DCHS1: variants seen among roughly 807,000 people sequenced by gnomAD.
The protein encoded by DCHS1 is protocadherin-16.
In DCHS1, 78 loss-of-function variants were observed where a neutral mutation model predicts 213.9. The ratio of observed to expected loss-of-function variants is 0.36; its 90% CI spans 0.30 to 0.44. DCHS1 has a LOEUF of 0.44. Ranked by LOEUF, DCHS1 falls within the 20% of genes least tolerant of loss-of-function variation. The probability of loss-of-function intolerance (pLI) is 1.00; values close to 1 mark genes in which losing one functional copy is unlikely to be tolerated. For synonymous variants in DCHS1, 1,828 were observed against 1,873.7 expected (o/e 0.98, Z 0.63); for missense variants, 3,946 against 4,395.9 (o/e 0.90, Z 2.89).
At position 6,633,844 on chromosome 11, in the gene DCHS1, G is replaced by A; in HGVS notation, c.2163C>T (p.Ser721=). 1 of 1,613,976 alleles carries A rather than the reference G, an allele frequency of 6.2e-7. No individual in the cohort carries two copies. Among genetic ancestry groups the A allele is most frequent in the Non-Finnish European group, 8.5e-7 (1 of 1,179,882 alleles). The change falls in exon 4 of 21, where the codon TCC becomes TCT. Residue 721 remains serine (S), a synonymous_variant. Coordinates refer to ENST00000299441, the MANE Select transcript of DCHS1 (RefSeq NM_003737.4). The part of the protein sequence containing the change: ...DPDQGSHGRL[S]YHILAGNSPP... The stretch of plus-strand genomic sequence containing the variant: ...GGCTGTTGCCAGCCAGGATATGGTA[G>A]GAGAGTCGCCCATGGGATCCCTGGT...
rs1362789501 is a variant in DCHS1 at position 6,626,420 on chromosome 11, T to G, written c.6365-40A>C. ...ATGCATCAGTGATAGCCCCCTTTGC[T>G]TGCCCTGGAGCCTCCTTCTCTAAGA... On this transcript the variant is annotated intron_variant, in intron 15 of 20. Transcript: ENST00000299441. This position sits in a 1 kb window ranked among gnomAD's most constrained non-coding sequence, Gnocchi z 5.2. 6.2e-7 allele frequency: 1 copy of G among 1,607,670 alleles called. No individual in the cohort carries two copies. The highest frequency in any genetic ancestry group is 8.5e-7 in the Non-Finnish European group (1 of 1,176,218).
At chr11:6,653,914 G>T (rs1335422828) in intron 1 of DCHS1, among the ~76,000 whole-genome samples, 1 of 152,180 alleles carries the variant, frequency 6.6e-6, no homozygotes, top group Non-Finnish European at 1.5e-5. Context: ...GATATAGGAG[G>T]TTGTGGGTAG....
chr11:6,647,571 G>A (rs891223244), intron 1 of DCHS1, among the ~76,000 whole-genome samples: 16 of 152,306 alleles, frequency 1.1e-4, no homozygotes, highest in Non-Finnish European at 1.8e-4. Flanking sequence ...TTTATGGTGC[G>A]CTGGGCCCTG....
At position 6,640,837 on chromosome 11, in the gene DCHS1, G is replaced by T. The variant is rs1440224620; in HGVS notation, c.777C>A (p.Arg259=). 6.2e-7 allele frequency: 1 copy of T among 1,613,956 alleles called. No homozygotes were observed. The highest frequency in any genetic ancestry group is 1.1e-5 in the South Asian group (1 of 91,090). ...GGCTCTCAGACACCACAGCATGGTA[G>T]CGGCTCTGATTGAAAGCCGGGGCAT... The part of the protein sequence containing the change: ...NDHAPAFNQS[R]YHAVVSESLA... Residue 259 remains arginine, a synonymous_variant, in exon 2 of 21, where the codon CGC becomes CGA. Transcript: ENST00000299441. This position sits in a 1 kb window ranked among gnomAD's most constrained non-coding sequence, Gnocchi z 6.5.
chr11:6,653,887 C>T (rs1365575292), intron 1 of DCHS1, among the ~76,000 whole-genome samples: 1 of 152,100 alleles, frequency 6.6e-6, no homozygotes, highest in Non-Finnish European at 1.5e-5. Context: ...GGAGCGAGAA[C>T]ATCTGAAAGC....
At chr11:6,651,996 T>C (rs73397287) in intron 1 of DCHS1, among the ~76,000 whole-genome samples, 1 of 151,934 alleles carries the variant, frequency 6.6e-6, no homozygotes, top group Admixed American at 6.5e-5. Context: ...GAAAAATGAA[T>C]GAAATTGATT....
In DCHS1 at chr11:6,633,815, G is replaced by C. The variant is rs528648883; in HGVS notation, c.2192C>G (p.Pro731Arg). ...TGATTGCTCATCCAAGGTAAAAAGT[G>C]GGGGGCTGTTGCCAGCCAGGATATG... ...SYHILAGNSPPLFTLDEQSGL... is the reference protein window; with the variant it reads ...SYHILAGNSPRLFTLDEQSGL... The change falls in exon 4 of 21, where the codon CCA (proline) becomes CGA (arginine). Residue 731 changes from proline to arginine, a missense_variant. Physicochemically the swap from Pro to Arg is moderately radical, Grantham distance 103. Transcript: ENST00000299441. The C allele has an allele frequency of 5.0e-6, 8 of 1,613,714 alleles. No individual in the cohort carries two copies. The South Asian group carries it at 6.6e-5, about 13-fold the overall frequency.
Position 6,621,794 on chromosome 11 carries a change from C to A in DCHS1, c.9882G>T (p.Thr3294=), listed in dbSNP as rs763186035. The A allele has an allele frequency of 6.3e-7, 1 of 1,590,180 alleles. No homozygotes were observed. The highest frequency in any genetic ancestry group is 1.1e-5 in the South Asian group (1 of 87,362). The change falls in exon 21 of 21, where the codon ACG becomes ACT. Residue 3294 remains threonine (T), a synonymous_variant. Coordinates refer to ENST00000299441, the MANE Select transcript of DCHS1 (RefSeq NM_003737.4). The part of the protein sequence containing the change: ...AESGLEPPDD[T]ELHI The stretch of plus-strand genomic sequence containing the variant: ...TGGGCCACAGCTAGATGTGCAGCTC[C>A]GTGTCATCAGGTGGCTCCAGGCCAG...
At position 6,626,179 on chromosome 11, in the gene DCHS1, G is replaced by A. The variant is rs1317707782; in HGVS notation, c.6566C>T (p.Pro2189Leu). Residue 2189 changes from proline to leucine, a missense_variant, in exon 16 of 21, where the codon CCC (proline) becomes CTC (leucine). Around this residue, in one of 3 missense-constraint regions of DCHS1, gnomAD observed 3,384 missense variants for 3,780.1 expected, o/e 0.90. Transcript: ENST00000299441. The surrounding 1 kb of genome is among the most constrained non-coding windows in gnomAD (Gnocchi z 5.2). ...CATCACACCCCGCACCTGCAGCAGG[G>A]GCCCCTCCAAGGGCCGGGACTCAGG... ...FLPESRPLEG[P>L]LLQVEADDLD... 1 of 1,606,774 alleles carries A rather than the reference G, an allele frequency of 6.2e-7. No individual in the cohort carries two copies. The highest frequency in any genetic ancestry group is 8.5e-7 in the Non-Finnish European group (1 of 1,176,688).
chr11:6,629,407 T>C (rs1167281826), intron 12 of DCHS1, 45 bp downstream of exon 12: 1 of 1,605,328 alleles, frequency 6.2e-7, no homozygotes, highest in Non-Finnish European at 8.5e-7. Context: ...AACACTGGTG[T>C]TTACAACACC....
At chr11:6,637,053 G>A (rs899895241) in intron 2 of DCHS1, among the ~76,000 whole-genome samples, 2 of 152,114 alleles carry the variant, frequency 1.3e-5, no homozygotes, top group African/African-American at 4.8e-5. Flanking sequence ...AATCAACCAG[G>A]GATTAAGTAA....
chr11:6,635,457 C>T (rs1855973456), intron 2 of DCHS1, among the ~76,000 whole-genome samples: 1 of 152,174 alleles, frequency 6.6e-6, no homozygotes, highest in Admixed American at 6.5e-5. Context: ...ATATAAGGAC[C>T]TCAGGGTCAG....
Position 6,623,052 on chromosome 11 carries a change from C to G in DCHS1, c.8624G>C (p.Arg2875Pro), listed in dbSNP as rs772552501. The G allele has an allele frequency of 9.5e-6, 15 of 1,578,212 alleles. No homozygotes were observed. The highest frequency in any genetic ancestry group is 1.3e-5 in the Non-Finnish European group (15 of 1,162,376). ...TGALYLRVDS[R>P]APGSGTATSG... ...GGTGGCTGTTCCGCTGCCTGGTGCC[C>G]GACTGTCCACCCGCAGGTACAGGGC... The change falls in exon 21 of 21, where the codon CGG becomes CCG. Residue 2875 changes from arginine to proline, a missense_variant. By Grantham distance (103) the Arg-to-Pro change is moderately radical (BLOSUM62 -2). This residue lies in a region of DCHS1 where 554 missense variants were observed against 590.2 expected (regional missense o/e 0.94). Coordinates refer to ENST00000299441, the MANE Select transcript of DCHS1 (RefSeq NM_003737.4).
At chr11:6,649,151 A>G (rs1856209037) in intron 1 of DCHS1, among the ~76,000 whole-genome samples, 2 of 151,516 alleles carry the variant, frequency 1.3e-5, no homozygotes, top group Admixed American at 1.3e-4. Context: ...GTGTTATTTC[A>G]CAGATGAGGA....
rs1431533072 is a variant in DCHS1, at chr11:6,622,278, T to C, written c.9398A>G (p.Tyr3133Cys). 6.2e-7 allele frequency: 1 copy of C among 1,606,954 alleles called. No homozygotes were observed. The highest frequency in any genetic ancestry group is 8.5e-7 in the Non-Finnish European group (1 of 1,177,352). The change falls in exon 21 of 21, where the codon TAT becomes TGT. Residue 3133 changes from tyrosine to cysteine, a missense_variant. Tyr to Cys is a radical substitution (Grantham distance 194, BLOSUM62 -2). This residue lies in a region of DCHS1 where 554 missense variants were observed against 590.2 expected (regional missense o/e 0.94). Transcript: ENST00000299441. The surrounding 1 kb of genome is among the most constrained non-coding windows in gnomAD (Gnocchi z 5.4). Reference sequence around the variant, plus strand: ...TGGCTTGCCATCTGCTGGGAAGCCATAGTCCCCAGTGGGTGCAGGGCTCAG... The same window carrying C: ...TGGCTTGCCATCTGCTGGGAAGCCACAGTCCCCAGTGGGTGCAGGGCTCAG... ...CGLSPAPTGD[Y>C]GFPADGKPCV...
intron 6 of DCHS1, 75 bp from the exon 7 acceptor site, chr11:6,631,884 G>A (rs562547836): frequency 1.4e-6 from 2 of 1,467,862 alleles, no homozygotes; most frequent in Admixed American, 2.5e-5. Context: ...TAAGAAGCTG[G>A]TGTTTGGGGA....
In DCHS1 at chr11:6,641,128, G is replaced by A; in HGVS notation, c.486C>T (p.Tyr162=). Residue 162 remains tyrosine (Y), a synonymous_variant, in exon 2 of 21, where the codon TAC becomes TAT. Coordinates refer to ENST00000299441, the MANE Select transcript of DCHS1 (RefSeq NM_003737.4). This position sits in a 1 kb window ranked among gnomAD's most constrained non-coding sequence, Gnocchi z 7.1. ...VPEHTAFGTR[Y]PLEPARDADA... is the part of the protein sequence containing the mutation. ...CTGCATCACGAGCAGGCTCCAGTGG[G>A]TAGCGGGTGCCAAAAGCTGTATGCT... is the stretch of plus-strand genomic sequence containing the variant. The A allele has an allele frequency of 6.2e-7, 1 of 1,613,872 alleles. No individual in the cohort carries two copies. Among genetic ancestry groups the A allele is most frequent in the Non-Finnish European group, 8.5e-7 (1 of 1,179,892 alleles).
In DCHS1 at chr11:6,625,192, C is replaced by A; in HGVS notation, c.7146+6G>T. On this transcript the variant is annotated splice_donor_region_variant and intron_variant, in intron 19 of 20. Coordinates refer to ENST00000299441, the MANE Select transcript of DCHS1 (RefSeq NM_003737.4). This position sits in a 1 kb window ranked among gnomAD's most constrained non-coding sequence, Gnocchi z 5.3. ...CAGGTGTAGGTGGATCCATGGGTGT[C>A]AATACCTGGTAGAGGCTCTGTGAGA... 2 of 1,576,972 alleles carry A rather than the reference C, an allele frequency of 1.3e-6. No individual in the cohort carries two copies. The highest frequency in any genetic ancestry group is 2.4e-5 in the South Asian group (2 of 84,430).
chr11:6,631,714 T>G lies in DCHS1; in HGVS notation c.3577A>C (p.Thr1193Pro), dbSNP rs765450478. 6.2e-7 allele frequency: 1 copy of G among 1,610,300 alleles called. No individual in the cohort carries two copies. The highest frequency in any genetic ancestry group is 1.1e-5 in the South Asian group (1 of 90,444). Residue 1193 changes from threonine (T) to proline (P), a missense_variant, in exon 7 of 21, where the codon ACC (threonine) becomes CCC (proline). Physicochemically the swap from Thr to Pro is conservative, Grantham distance 38. Around this residue, in one of 3 missense-constraint regions of DCHS1, gnomAD observed 3,384 missense variants for 3,780.1 expected, o/e 0.90. Coordinates refer to ENST00000299441, the MANE Select transcript of DCHS1 (RefSeq NM_003737.4). ...VQDGGSPPRS[T>P]TGTVHVAVLD... ...ACTGCAACATGCACAGTGCCTGTGG[T>G]GCTGCGGGGTGGGCTCCCTCCATCC...
Sources: allele counts gnomAD v4.1 joint callset (sites outside exome capture counted in the v4.1 genomes callset), GRCh38; gene constraint gnomAD v4.1.1; regional missense constraint gnomAD v4.1.1; non-coding constraint Gnocchi (gnomAD v3.1); transcripts MANE v1.5; gene names NCBI Gene and HGNC (gene_info 2026-07-23, HGNC 2026-07-21).